ZBTB7C: variants seen among roughly 807,000 people sequenced by gnomAD.
ZBTB7C encodes zinc finger and BTB domain-containing protein 7C.
Under a neutral mutation model 25.7 loss-of-function variants are expected in ZBTB7C, and 8 were observed. The observed-to-expected ratio is 0.31, with a 90% CI of 0.18 to 0.56. The LOEUF (loss-of-function observed/expected upper bound fraction) is 0.56, where lower values mean the gene tolerates loss of function less well. ZBTB7C is among the 20% of genes least tolerant of loss of function. ZBTB7C has a pLI of 0.91. For synonymous variants in ZBTB7C, 394 were observed against 369.0 expected (o/e 1.07, Z -0.78); for missense variants, 824 against 855.2 (o/e 0.96, Z 0.46).
At chr18:48,050,982 T>C (rs759759496) in intron 3 of ZBTB7C, among the ~76,000 whole-genome samples, 22 of 151,972 alleles carry the variant, frequency 1.4e-4, no homozygotes, top group Non-Finnish European at 2.8e-4. Context: ...TGCTGGTGAA[T>C]TGATTTGCCC....
chr18:48,377,955 T>A (rs1441114359), intron 1 of ZBTB7C, among the ~76,000 whole-genome samples: 3 of 152,144 alleles, frequency 2.0e-5, no homozygotes, highest in Non-Finnish European at 2.9e-5. Context: ...GCAGATCACC[T>A]GAGGTCAGGA....
chr18:48,284,581 G>A (rs1040059157), intron 2 of ZBTB7C, among the ~76,000 whole-genome samples: 3 of 152,094 alleles, frequency 2.0e-5, no homozygotes, highest in Non-Finnish European at 4.4e-5. Flanking sequence ...ATTACTTGAG[G>A]ACAGGTGCTT....
intron 2 of ZBTB7C, among the ~76,000 whole-genome samples, chr18:48,260,884 C>A (rs1193219008): frequency 1.3e-5 from 2 of 152,196 alleles, no homozygotes; most frequent in Non-Finnish European, 2.9e-5. Context: ...CACTGAAAAC[C>A]ATTCTCCAGA....
At chr18:48,209,723 C>A (rs533443512) in intron 2 of ZBTB7C, among the ~76,000 whole-genome samples, 14 of 151,864 alleles carry the variant, frequency 9.2e-5, no homozygotes, top group African/African-American at 3.4e-4. Flanking sequence ...CCACTAAACT[C>A]CCACCTGGGC....
At chr18:48,384,286 G>T (rs1232581433) in intron 1 of ZBTB7C, among the ~76,000 whole-genome samples, 2 of 152,224 alleles carry the variant, frequency 1.3e-5, no homozygotes, top group Non-Finnish European at 2.9e-5. Flanking sequence ...AGTGTACTTG[G>T]CAAGCATAGC....
In ZBTB7C at chr18:48,065,143, C is replaced by T. The variant is rs975425228; in HGVS notation, c.-16-24020G>A. Among the ~76,000 whole-genome samples the T allele has an allele frequency of 4.0e-5, 6 of 151,738 alleles. No individual in the cohort carries two copies. The East Asian group carries it at 5.8e-4, about 15-fold the overall frequency. The stretch of plus-strand genomic sequence containing the variant: ...CCCCGCCCCCTCCCTGTCCAGCGAG[C>T]GCATGCGCACACAGCGCTAGGCCCA... On this transcript the variant is annotated intron_variant, in intron 3 of 4. Transcript: ENST00000590800.
chr18:48,179,208 G>T (rs1394413354), intron 3 of ZBTB7C, among the ~76,000 whole-genome samples: 1 of 152,218 alleles, frequency 6.6e-6, no homozygotes, highest in Non-Finnish European at 1.5e-5. Context: ...TTCACTTGGG[G>T]CCCTAAGTAA....
At chr18:48,284,193 T>C (rs570727041) in intron 2 of ZBTB7C, among the ~76,000 whole-genome samples, 20 of 152,288 alleles carry the variant, frequency 1.3e-4, no homozygotes, top group African/African-American at 4.6e-4. Flanking sequence ...CAGTGGCTCA[T>C]GCCTGTAATC....
chr18:48,247,136 C>T (rs2043718169), intron 2 of ZBTB7C, among the ~76,000 whole-genome samples: 1 of 152,068 alleles, frequency 6.6e-6, no homozygotes, highest in Admixed American at 6.5e-5. Flanking sequence ...ACAATCATTC[C>T]TAATAAAAAT....
rs559810881 is a variant in ZBTB7C, at chr18:48,312,873, C to T, written c.-79+25301G>A. 3.0e-4 allele frequency among the ~76,000 whole-genome samples: 46 copies of T among 152,324 alleles called. 1 individual carries two copies. In the South Asian group the frequency reaches 7.1e-3, roughly 23 times the overall value. On this transcript the variant is annotated intron_variant, in intron 2 of 4. Coordinates refer to ENST00000590800, the MANE Select transcript of ZBTB7C (RefSeq NM_001318841.2). ...ATATCCTGGGCTGTGGTGAACAGGA[C>T]AAGCTCTTCCACGATGCTACGGGGC...
intron 3 of ZBTB7C, among the ~76,000 whole-genome samples, chr18:48,052,388 C>T (rs1175005522): frequency 1.3e-5 from 2 of 152,184 alleles, no homozygotes. Context: ...ATATTTTGAC[C>T]CTTCCTGGGG....
chr18:48,328,699 A>T (rs1024943088), intron 2 of ZBTB7C, among the ~76,000 whole-genome samples: 1 of 152,160 alleles, frequency 6.6e-6, no homozygotes, highest in African/African-American at 2.4e-5. Flanking sequence ...CCTGACTCAC[A>T]GTCTTGTACT....
chr18:48,262,318 C>G (rs776354942), intron 2 of ZBTB7C, among the ~76,000 whole-genome samples: 2 of 152,170 alleles, frequency 1.3e-5, no homozygotes, highest in Non-Finnish European at 2.9e-5. Context: ...GGATGAAGTA[C>G]TTGGAAGGTG....
chr18:48,258,373 C>T (rs186106228), intron 2 of ZBTB7C, among the ~76,000 whole-genome samples: 23 of 152,238 alleles, frequency 1.5e-4, no homozygotes, highest in African/African-American at 4.3e-4. Flanking sequence ...AGTTGTACCA[C>T]GTTTGTGATA....
At chr18:48,051,740 G>A (rs1042856097) in intron 3 of ZBTB7C, among the ~76,000 whole-genome samples, 4 of 152,168 alleles carry the variant, frequency 2.6e-5, no homozygotes, top group African/African-American at 4.8e-5. Context: ...GTGAGGGCTC[G>A]TTTCAGTTTG....
At chr18:48,212,925 A>G (rs536569771) in intron 2 of ZBTB7C, among the ~76,000 whole-genome samples, 1 of 152,296 alleles carries the variant, frequency 6.6e-6, no homozygotes, top group African/African-American at 2.4e-5. Flanking sequence ...CTGGACCACT[A>G]CTATGTGTGG....
intron 3 of ZBTB7C, among the ~76,000 whole-genome samples, chr18:48,057,551 G>A (rs752934826): frequency 2.6e-5 from 4 of 152,148 alleles, no homozygotes; most frequent in Non-Finnish European, 5.9e-5. Context: ...CCTTCCTACT[G>A]GAGAGGTTGG....
At position 48,389,113 on chromosome 18, in the gene ZBTB7C, G is replaced by T. The variant is rs571810355; in HGVS notation, c.-304+20113C>A. 2.6e-5 allele frequency among the ~76,000 whole-genome samples: 4 copies of T among 152,248 alleles called. No homozygotes were observed. In the East Asian group the frequency reaches 7.7e-4, roughly 29 times the overall value. On this transcript the variant is annotated intron_variant, in intron 1 of 4. Transcript: ENST00000590800. ...TGAACTAATGTGGAAGCCTCGGGCTGTGAGTAGCAGGGTAACTGCAGGCTG... is the reference window on the plus strand; with the variant it reads ...TGAACTAATGTGGAAGCCTCGGGCTTTGAGTAGCAGGGTAACTGCAGGCTG...
chr18:48,369,261 T>C (rs982556448), intron 1 of ZBTB7C, among the ~76,000 whole-genome samples: 13 of 152,122 alleles, frequency 8.5e-5, no homozygotes, highest in African/African-American at 3.1e-4. Flanking sequence ...TAATGTAATA[T>C]GTAGAGTATC....
Sources: allele counts gnomAD v4.1 joint callset (sites outside exome capture counted in the v4.1 genomes callset), GRCh38; gene constraint gnomAD v4.1.1; transcripts MANE v1.5; gene names NCBI Gene and HGNC (gene_info 2026-07-23, HGNC 2026-07-21).